FNBP1: variants seen among roughly 807,000 people sequenced by gnomAD.
FNBP1 encodes the protein formin-binding protein 1.
A neutral mutation model predicts 90.6 loss-of-function variants in FNBP1; 26 were observed. The ratio of observed to expected loss-of-function variants is 0.29; its 90% CI spans 0.21 to 0.40. FNBP1 has a LOEUF of 0.40. FNBP1 is among the 10% of genes least tolerant of loss of function. The pLI is 1.00. For missense variants in FNBP1, 635 were observed against 768.0 expected (o/e 0.83, Z 2.05); for synonymous variants, 260 against 265.2 (o/e 0.98, Z 0.19).
chr9:129,951,841 C>G (rs1432795693), intron 6 of FNBP1, among the ~76,000 whole-genome samples: 1 of 152,084 alleles, frequency 6.6e-6, no homozygotes, highest in Non-Finnish European at 1.5e-5. Flanking sequence ...GGTTTGGATG[C>G]AATCACAGTA....
rs2034987319 is a variant in FNBP1, at chr9:129,890,372, G to A, written c.*167C>T. 3.2e-6 allele frequency: 2 copies of A among 623,700 alleles called. No individual in the cohort carries two copies. Among genetic ancestry groups the A allele is most frequent in the African/African-American group, 1.9e-5 (1 of 53,388 alleles). 38.6% of individuals were successfully genotyped at this position (623,700 alleles called of 1,614,324 possible). Reference sequence around the variant, plus strand: ...CCACGAGGTGGCCCGGGCTGGGCGGGAGGGCAGGGCCGCAGGGAGCATGCT... The same window carrying A: ...CCACGAGGTGGCCCGGGCTGGGCGGAAGGGCAGGGCCGCAGGGAGCATGCT... On this transcript the variant is annotated 3_prime_UTR_variant, in exon 17 of 17. Coordinates refer to ENST00000446176, the MANE Select transcript of FNBP1 (RefSeq NM_015033.3). The surrounding 1 kb of genome is among the most constrained non-coding windows in gnomAD (Gnocchi z 5.8).
chr9:129,946,168 C>CAA (rs112301215), intron 6 of FNBP1, among the ~76,000 whole-genome samples: 2 of 148,908 alleles, frequency 1.3e-5, no homozygotes, highest in South Asian at 2.1e-4. Context: ...TACTCTGTTT[C>CAA]AAAAAAAAAC....
At chr9:129,906,046 G>T (rs961295906) in intron 12 of FNBP1, among the ~76,000 whole-genome samples, 2 of 151,920 alleles carry the variant, frequency 1.3e-5, no homozygotes, top group Admixed American at 1.3e-4. Context: ...ACCACGCCTG[G>T]CTAATTTTGT....
At chr9:129,983,558 T>C (rs1440907668) in intron 2 of FNBP1, among the ~76,000 whole-genome samples, 2 of 152,186 alleles carry the variant, frequency 1.3e-5, no homozygotes, top group Non-Finnish European at 2.9e-5. Flanking sequence ...CGGTGGCTCA[T>C]GCCTGTAATC....
intron 1 of FNBP1, among the ~76,000 whole-genome samples, chr9:130,000,493 C>G (rs2054664468): frequency 6.6e-6 from 1 of 151,586 alleles, no homozygotes. Flanking sequence ...AGCGAGACTC[C>G]ATGTCAAAAA....
At chr9:129,943,653 C>T (rs2132402869) in intron 6 of FNBP1, among the ~76,000 whole-genome samples, 1 of 152,106 alleles carries the variant, frequency 6.6e-6, no homozygotes, top group Non-Finnish European at 1.5e-5. Context: ...GCCTAAAGTG[C>T]TGGGATTACA....
chr9:130,048,571 A>G, the FNBP1 span, among the ~76,000 whole-genome samples: 141,978 of 147,682 alleles, frequency 0.96, 68,352 homozygotes, highest in East Asian at 1. Context: ...CTCCGTCTCC[A>G]GGGTTCACAT....
chr9:129,896,135 A>C (rs910228235), intron 15 of FNBP1, 139 bp from the exon 16 acceptor site: 8 of 794,304 alleles, frequency 1.0e-5, no homozygotes, highest in Non-Finnish European at 1.6e-5. Flanking sequence ...TCTCAGATGC[A>C]CGGACCCCTC....
chr9:129,993,375 A>C (rs1460592941), intron 2 of FNBP1, among the ~76,000 whole-genome samples: 1 of 151,928 alleles, frequency 6.6e-6, no homozygotes, highest in Non-Finnish European at 1.5e-5. Flanking sequence ...ATGCCACTTC[A>C]AGTTCAAGCT....
intron 6 of FNBP1, among the ~76,000 whole-genome samples, chr9:129,956,315 C>T (rs2046938989): frequency 6.6e-6 from 1 of 152,190 alleles, no homozygotes; most frequent in Admixed American, 6.6e-5. Context: ...ACTGATCTGT[C>T]AAAAGCTCAA....
In FNBP1 at chr9:129,888,426, G is replaced by A. The variant is rs763915386; in HGVS notation, c.*2113C>T. On this transcript the variant is annotated 3_prime_UTR_variant, in exon 17 of 17. Transcript: ENST00000446176. ...CTGTGGGGACTGCCACACTCACCAT[G>A]CACCTGTTGGTTTGCAGGGACAGAG... is the stretch of plus-strand genomic sequence containing the variant. 3 of 232,578 alleles carry A rather than the reference G, an allele frequency of 1.3e-5. No homozygotes were observed. Among genetic ancestry groups the A allele is most frequent in the Non-Finnish European group, 2.5e-5 (3 of 117,740 alleles). 14.4% of individuals were successfully genotyped at this position (232,578 alleles called of 1,614,324 possible). A position where few individuals can be genotyped will look rare whatever the true frequency, so the allele number is the denominator to read the frequency against.
intron 4 of FNBP1, among the ~76,000 whole-genome samples, chr9:129,973,477 CTTCTT>C (rs1377753551): frequency 2.0e-5 from 3 of 152,052 alleles, no homozygotes; most frequent in Non-Finnish European, 4.4e-5. Flanking sequence ...AGCTCCTTTT[CTTCTT>C]TTCTTTTCTG....
intron 1 of FNBP1, among the ~76,000 whole-genome samples, chr9:130,028,262 G>A (rs750841360): frequency 1.1e-4 from 17 of 152,204 alleles, no homozygotes; most frequent in Non-Finnish European, 2.4e-4. Flanking sequence ...CACATGTGAA[G>A]TATCTCTAAG....
Position 129,910,504 on chromosome 9 carries a change from A to AAAAAAAG in FNBP1, c.1186-1506_1186-1505insCTTTTTT, listed in dbSNP as rs1298095363. The stretch of plus-strand genomic sequence containing the variant: ...CTCAAAAAAACAAAAAAAAAAAAAA[A>AAAAAAAG]AGAGAGAGAGAAATTTCTTCAAATA... On this transcript the variant is annotated intron_variant, in intron 11 of 16. Coordinates refer to ENST00000446176, the MANE Select transcript of FNBP1 (RefSeq NM_015033.3). 3.5e-3 allele frequency among the ~76,000 whole-genome samples: 363 copies of AAAAAAAG among 104,062 alleles called. 49 individuals are homozygous for AAAAAAAG. The highest frequency in any genetic ancestry group is 6.8e-3 in the Middle Eastern group (1 of 148). 68.3% of individuals were successfully genotyped at this position (104,062 alleles called of 152,430 possible).
In FNBP1 at chr9:130,042,844, A is replaced by G; in HGVS notation, c.24+108T>C. 2.8e-6 allele frequency: 2 copies of G among 703,662 alleles called. No homozygotes were observed. The highest frequency in any genetic ancestry group is 3.9e-6 in the Non-Finnish European group (2 of 512,224). The allele number at this position is 703,662 out of a possible 1,614,324, so 43.6% of individuals were successfully genotyped here. On this transcript the variant is annotated intron_variant, in intron 1 of 16. Transcript: ENST00000446176. The surrounding 1 kb of genome is among the most constrained non-coding windows in gnomAD (Gnocchi z 5.5). ...TCCCCAGGCCGCGAGGACCCCGACC[A>G]GCGCGCCCTCGCCTCCGCCCAGCAG...
intron 6 of FNBP1, among the ~76,000 whole-genome samples, chr9:129,938,182 T>C (rs1288455439): frequency 6.6e-6 from 1 of 151,918 alleles, no homozygotes; most frequent in Non-Finnish European, 1.5e-5. Flanking sequence ...AATAAATTAA[T>C]TAATTTTTTA....
intron 2 of FNBP1, among the ~76,000 whole-genome samples, chr9:129,979,748 T>C (rs2050898929): frequency 6.6e-6 from 1 of 152,046 alleles, no homozygotes; most frequent in African/African-American, 2.4e-5. Flanking sequence ...CAAGCGATTC[T>C]CCTGCCTCAG....
intron 4 of FNBP1, among the ~76,000 whole-genome samples, chr9:129,962,968 C>G (rs2048041123): frequency 6.6e-6 from 1 of 150,820 alleles, no homozygotes; most frequent in Admixed American, 6.6e-5. Context: ...ACCTCTGGTC[C>G]TGAAAGTCTT....
At chr9:130,010,386 C>T (rs1035707865) in intron 1 of FNBP1, among the ~76,000 whole-genome samples, 1 of 152,120 alleles carries the variant, frequency 6.6e-6, no homozygotes, top group East Asian at 1.9e-4. Flanking sequence ...CTACTAAACA[C>T]GTACTGAGAA....
Sources: gnomAD v4.1 joint callset for allele counts (sites outside exome capture counted in the v4.1 genomes callset) on GRCh38, gnomAD v4.1.1 for gene constraint, Gnocchi (gnomAD v3.1) non-coding constraint, MANE v1.5 for transcripts, NCBI Gene and HGNC (gene_info 2026-07-23, HGNC 2026-07-21) for gene names.